The following TMOD3 variants were observed in gnomAD, a reference collection of about 807,000 sequenced individuals.
TMOD3 encodes the protein tropomodulin-3.
In TMOD3, 20 loss-of-function variants were observed where a neutral mutation model predicts 39.2. That is an observed-to-expected ratio of 0.51 (90% CI 0.36 to 0.74). The LOEUF (loss-of-function observed/expected upper bound fraction) is 0.74, where lower values mean the gene tolerates loss of function less well. Ranked by LOEUF, TMOD3 falls within the 30% of genes least tolerant of loss-of-function variation. TMOD3 has a pLI of 0.00. For missense variants in TMOD3, 381 were observed against 412.8 expected, an observed-to-expected ratio of 0.92 and a Z score of 0.67; for synonymous variants, 143 against 145.8, an observed-to-expected ratio of 0.98 and a Z score of 0.14.
At chr15:51,902,135 A>T in intron 9 of TMOD3, 99 bp downstream of exon 9, 2 of 1,434,454 alleles carry the variant, frequency 1.4e-6, no homozygotes, top group South Asian at 2.6e-5. Flanking sequence ...CAGAGAAGTT[A>T]TTTGGCCTTT....
rs924223106 is a variant in TMOD3 at position 51,860,449 on chromosome 15, G to T, written c.-74-2362G>T. 5.3e-6 allele frequency: 3 copies of T among 563,540 alleles called. No individual in the cohort carries two copies. The East Asian group carries it at 1.4e-4, about 27-fold the overall frequency. 34.9% of individuals were successfully genotyped at this position (563,540 alleles called of 1,614,324 possible). ...ATCAGCTCCATCCTAAAGTAGTCTTGATAAAGTTTTGGGCCCTCTGGATGA... is the reference window on the plus strand; with the variant it reads ...ATCAGCTCCATCCTAAAGTAGTCTTTATAAAGTTTTGGGCCCTCTGGATGA... On this transcript the variant is annotated intron_variant, in intron 1 of 9. Coordinates refer to ENST00000308580, the MANE Select transcript of TMOD3 (RefSeq NM_014547.5).
chr15:51,839,696 C>T (rs1010627461), intron 1 of TMOD3, among the ~76,000 whole-genome samples: 6 of 152,036 alleles, frequency 3.9e-5, no homozygotes, highest in African/African-American at 7.2e-5. Flanking sequence ...ACAATTTGTA[C>T]ACCACCACAC....
Position 51,903,121 on chromosome 15 carries a change from G to C in TMOD3, c.1024+1085G>C, listed in dbSNP as rs1408109435. On this transcript the variant is annotated intron_variant, in intron 9 of 9. Transcript: ENST00000308580. The stretch of plus-strand genomic sequence containing the variant: ...TTTATAGTCTGGTATGTAGGTGTTT[G>C]CTCGTCTTCCTAAAAGGACTGTTGT... 3.3e-5 allele frequency among the ~76,000 whole-genome samples: 5 copies of C among 152,298 alleles called. No individual in the cohort carries two copies. In the East Asian group the frequency reaches 9.6e-4, roughly 29 times the overall value.
At chr15:51,892,256 T>A (rs909422452) in intron 5 of TMOD3, 4 of 152,216 alleles carry the variant, frequency 2.6e-5, no homozygotes, top group Non-Finnish European at 5.9e-5. Flanking sequence ...TCTTACTCTT[T>A]CGTGCTCATT....
In TMOD3 at chr15:51,878,263, A is replaced by T. The variant is rs796885064; in HGVS notation, c.283+8890A>T. The stretch of plus-strand genomic sequence containing the variant: ...ACTGTTGTTTCTGGCCAGGTATGGT[A>T]ACTCATGCCTGTAATCCAAGCCCTT... On this transcript the variant is annotated intron_variant, in intron 3 of 9. Coordinates refer to ENST00000308580, the MANE Select transcript of TMOD3 (RefSeq NM_014547.5). 4.6e-5 allele frequency among the ~76,000 whole-genome samples: 7 copies of T among 152,140 alleles called. No homozygotes were observed. The South Asian group carries it at 1.5e-3, about 32-fold the overall frequency.
chr15:51,875,811 G>C (rs2916170), intron 3 of TMOD3, among the ~76,000 whole-genome samples: 53,678 of 151,556 alleles, frequency 0.35, 10,037 homozygotes, highest in Middle Eastern at 0.43. Flanking sequence ...GTAGAGACAG[G>C]GTTTCACTGT....
intron 3 of TMOD3, among the ~76,000 whole-genome samples, chr15:51,876,286 A>G (rs1595901728): frequency 6.6e-6 from 1 of 151,902 alleles, no homozygotes; most frequent in South Asian, 2.1e-4. Context: ...CTTCTGCCTC[A>G]CCCTCCTAAG....
intron 3 of TMOD3, among the ~76,000 whole-genome samples, chr15:51,886,592 T>C (rs549832136): frequency 5.3e-4 from 80 of 151,594 alleles, no homozygotes; most frequent in African/African-American, 1.9e-3. Flanking sequence ...GGCAGGGAGG[T>C]TGCAGTGAGC....
At chr15:51,892,749 G>A (rs566840790) in intron 5 of TMOD3, among the ~76,000 whole-genome samples, 1 of 152,158 alleles carries the variant, frequency 6.6e-6, no homozygotes, top group South Asian at 2.1e-4. Context: ...CTGCCTTTAT[G>A]CCAATTATCA....
intron 3 of TMOD3, among the ~76,000 whole-genome samples, chr15:51,885,194 T>C (rs1464004972): frequency 6.6e-6 from 1 of 152,228 alleles, no homozygotes; most frequent in Non-Finnish European, 1.5e-5. Context: ...ATTCCTTTCA[T>C]ATTTTCAATC....
At chr15:51,840,557 A>G (rs1004349656) in intron 1 of TMOD3, among the ~76,000 whole-genome samples, 3 of 152,224 alleles carry the variant, frequency 2.0e-5, no homozygotes, top group African/African-American at 7.2e-5. Context: ...CAATAGTTCA[A>G]TATCTTGCCC....
chr15:51,860,557 A>G, intron 1 of TMOD3: 1 of 577,750 alleles, frequency 1.7e-6, no homozygotes, highest in Non-Finnish European at 3.4e-6. Flanking sequence ...GCCATAATCC[A>G]CAAAGCTGGC....
intron 3 of TMOD3, among the ~76,000 whole-genome samples, chr15:51,877,641 C>G (rs369231998): frequency 6.6e-6 from 1 of 151,156 alleles, no homozygotes; most frequent in East Asian, 1.9e-4. Context: ...GATTGCACCA[C>G]TGCACTCTAG....
At chr15:51,892,247 C>T (rs542586451) in intron 5 of TMOD3, 1 of 152,184 alleles carries the variant, frequency 6.6e-6, no homozygotes, top group African/African-American at 2.4e-5. Context: ...GTCAATTGCT[C>T]TTACTCTTTC....
Position 51,879,147 on chromosome 15 carries a change from A to C in TMOD3, c.284-8442A>C, listed in dbSNP as rs189730652. Among the ~76,000 whole-genome samples the C allele has an allele frequency of 6.6e-5, 10 of 152,340 alleles. No individual in the cohort carries two copies. In the East Asian group the frequency reaches 1.5e-3, roughly 23 times the overall value. On this transcript the variant is annotated intron_variant, in intron 3 of 9. Transcript: ENST00000308580. ...GGATATTTCTTTTTTCTTGGAACAC[A>C]CATGAGTTTGGATAAGTGCCATACA...
At chr15:51,884,618 A>G (rs969427935) in intron 3 of TMOD3, 3 of 152,082 alleles carry the variant, frequency 2.0e-5, no homozygotes, top group African/African-American at 4.8e-5. Flanking sequence ...TCTTTGTTCC[A>G]TCTCTACTCC....
At chr15:51,883,839 A>G (rs1248619346) in intron 3 of TMOD3, among the ~76,000 whole-genome samples, 1 of 152,230 alleles carries the variant, frequency 6.6e-6, no homozygotes, top group Non-Finnish European at 1.5e-5. Context: ...TGGTAGATTG[A>G]GCTCAGGAAA....
chr15:51,877,696 A>T (rs2056511974), intron 3 of TMOD3, among the ~76,000 whole-genome samples: 1 of 150,826 alleles, frequency 6.6e-6, no homozygotes, highest in Admixed American at 6.6e-5. Context: ...AAAAAAAAAA[A>T]GATGTGTTAG....
At chr15:51,831,517 G>C (rs1191271910) in intron 1 of TMOD3, among the ~76,000 whole-genome samples, 3 of 152,172 alleles carry the variant, frequency 2.0e-5, no homozygotes, top group Admixed American at 2.0e-4. Flanking sequence ...ACCATACTTT[G>C]AATGTCAAGT....
Sources: allele counts gnomAD v4.1 joint callset (sites outside exome capture counted in the v4.1 genomes callset), GRCh38; gene constraint gnomAD v4.1.1; transcripts MANE v1.5; gene names NCBI Gene and HGNC (gene_info 2026-07-23, HGNC 2026-07-21).